Variants in SNX7 observed in about 807,000 individuals in gnomAD.
The protein encoded by SNX7 is sorting nexin-7.
In SNX7, 35 loss-of-function variants were observed where a neutral mutation model predicts 48.4. The ratio of observed to expected loss-of-function variants is 0.72; its 90% CI spans 0.55 to 0.96. The LOEUF (loss-of-function observed/expected upper bound fraction) is 0.96. Among genes scored for constraint, SNX7 ranks in the 40% least tolerant of loss-of-function variants. SNX7 has a pLI of 0.00. For synonymous variants in SNX7, 190 were observed against 190.2 expected, an observed-to-expected ratio of 1.00 and a Z score of 0.01; for missense variants, 553 against 548.9, an observed-to-expected ratio of 1.01 and a Z score of -0.07.
chr1:98,735,033 C>T (rs2101029845), intron 7 of SNX7, among the ~76,000 whole-genome samples: 1 of 152,250 alleles, frequency 6.6e-6, no homozygotes, highest in South Asian at 2.1e-4. Flanking sequence ...AACCCGACAT[C>T]TGGTGTTGGA....
chr1:98,726,217 C>T (rs947004781), intron 7 of SNX7, among the ~76,000 whole-genome samples: 2 of 152,162 alleles, frequency 1.3e-5, no homozygotes, highest in Non-Finnish European at 1.5e-5. Flanking sequence ...CTTTAGATCA[C>T]TGACTGATAA....
At chr1:98,664,163 A>G (rs2100896959) in intron 1 of SNX7, among the ~76,000 whole-genome samples, 1 of 152,346 alleles carries the variant, frequency 6.6e-6, no homozygotes, top group East Asian at 1.9e-4. Context: ...TGAGATTGGC[A>G]AACTACATAT....
chr1:98,702,723 G>T (rs995371137), intron 7 of SNX7, among the ~76,000 whole-genome samples: 2 of 152,080 alleles, frequency 1.3e-5, no homozygotes, highest in African/African-American at 4.8e-5. Flanking sequence ...GACGTCTCTT[G>T]CCTGCCTCAG....
At chr1:98,723,286 G>T (rs994393933) in intron 7 of SNX7, among the ~76,000 whole-genome samples, 8 of 152,030 alleles carry the variant, frequency 5.3e-5, no homozygotes, top group Admixed American at 3.3e-4. Context: ...TAAAATAGAT[G>T]ATTTGTTTTA....
At chr1:98,676,770 A>T (rs942264356) in intron 1 of SNX7, among the ~76,000 whole-genome samples, 2 of 152,234 alleles carry the variant, frequency 1.3e-5, no homozygotes, top group African/African-American at 2.4e-5. Flanking sequence ...ATTACATTGT[A>T]CTATATTAAT....
In SNX7 at chr1:98,715,597, C is replaced by G. The variant is rs546973410; in HGVS notation, c.1125+13694C>G. On this transcript the variant is annotated intron_variant, in intron 7 of 8. Coordinates refer to ENST00000306121, the MANE Select transcript of SNX7 (RefSeq NM_015976.5). ...TAAGACATGGGTTTTATTATCATTA[C>G]TTGTTTTGATGCACGAGTTACCCAA... 7.9e-5 allele frequency among the ~76,000 whole-genome samples: 12 copies of G among 152,292 alleles called. No individual in the cohort carries two copies. In the South Asian group the frequency reaches 2.5e-3, roughly 32 times the overall value.
rs769663830 is a variant in SNX7, at chr1:98,691,496, A to G, written c.475-39A>G. On this transcript the variant is annotated intron_variant, in intron 3 of 8. Transcript: ENST00000306121. ...TAGAATTGCTTATAAACCTATGGCT[A>G]ATAATACTTGAATACCTTTTTAATT... The G allele has an allele frequency of 2.0e-6, 3 of 1,499,406 alleles. No homozygotes were observed. The Admixed American group carries it at 6.7e-5, about 33-fold the overall frequency. The allele number at this position is 1,499,406 out of a possible 1,614,324, so 92.9% of individuals were successfully genotyped here.
intron 8 of SNX7, among the ~76,000 whole-genome samples, chr1:98,747,912 A>C (rs1156336432): frequency 6.6e-6 from 1 of 151,246 alleles, no homozygotes; most frequent in African/African-American, 2.4e-5. Context: ...TCATGTTTCC[A>C]TCTAGTTTTG....
intron 7 of SNX7, among the ~76,000 whole-genome samples, chr1:98,736,904 G>A (rs1194920245): frequency 1.3e-5 from 2 of 152,080 alleles, no homozygotes; most frequent in Non-Finnish European, 2.9e-5. Flanking sequence ...TCATGAAATG[G>A]TAGTAACATA....
At chr1:98,724,691 T>G (rs1237496914) in intron 7 of SNX7, among the ~76,000 whole-genome samples, 1 of 152,050 alleles carries the variant, frequency 6.6e-6, no homozygotes, top group Non-Finnish European at 1.5e-5. Context: ...AATTAAATAG[T>G]CAACATGGGT....
chr1:98,708,115 A>G (rs1052458469), intron 7 of SNX7, among the ~76,000 whole-genome samples: 1 of 152,126 alleles, frequency 6.6e-6, no homozygotes, highest in Non-Finnish European at 1.5e-5. Flanking sequence ...TTTACAAATT[A>G]TTCCTTTCTA....
intron 8 of SNX7, among the ~76,000 whole-genome samples, chr1:98,740,867 G>A (rs977187992): frequency 2.0e-5 from 3 of 152,038 alleles, no homozygotes; most frequent in African/African-American, 7.2e-5. Flanking sequence ...AGGGATCATT[G>A]TTTCTCTTTT....
At chr1:98,671,980 C>A (rs1649894025) in intron 1 of SNX7, among the ~76,000 whole-genome samples, 1 of 151,938 alleles carries the variant, frequency 6.6e-6, no homozygotes, top group African/African-American at 2.4e-5. Flanking sequence ...TTATGTGTAA[C>A]CAGAAACAAA....
intron 7 of SNX7, among the ~76,000 whole-genome samples, chr1:98,734,932 A>G (rs1653698725): frequency 6.6e-6 from 1 of 152,180 alleles, no homozygotes; most frequent in African/African-American, 2.4e-5. Context: ...GAAAAGAAGA[A>G]TAATACCAAG....
intron 7 of SNX7, among the ~76,000 whole-genome samples, chr1:98,733,625 A>C (rs937964047): frequency 6.6e-6 from 1 of 152,096 alleles, no homozygotes; most frequent in African/African-American, 2.4e-5. Context: ...GCTTTGCATG[A>C]ATGCCTTTCA....
In SNX7 at chr1:98,691,089, A is replaced by G. The variant is rs370815896; in HGVS notation, c.378A>G (p.Glu126=). 4 of 1,606,308 alleles carry G rather than the reference A, an allele frequency of 2.5e-6. No individual in the cohort carries two copies. Among genetic ancestry groups the G allele is most frequent in the South Asian group, 2.2e-5 (2 of 90,200 alleles). The change falls in exon 3 of 9, where the codon GAA becomes GAG. Residue 126 remains glutamate (E), a synonymous_variant. Transcript: ENST00000306121. ...YRIITKTSRG[E]FDSSEFEVRR... is the part of the protein sequence containing the mutation. ...ACTTTCTTCAGACATCTCGTGGGGA[A>G]TTTGACTCCAGTGAATTTGAAGTTA...
chr1:98,727,632 G>A (rs1653257041), intron 7 of SNX7, among the ~76,000 whole-genome samples: 1 of 152,004 alleles, frequency 6.6e-6, no homozygotes, highest in Admixed American at 6.6e-5. Context: ...GAACCATGAT[G>A]AAACATTACA....
intron 1 of SNX7, 60 bp from the exon 2 acceptor site, chr1:98,684,825 T>C (rs1054945201): frequency 3.3e-6 from 4 of 1,203,554 alleles, no homozygotes; most frequent in Non-Finnish European, 3.3e-6. Flanking sequence ...TGATAGCATC[T>C]AGAAATAGAA....
chr1:98,757,168 G>T (rs1235260627), intron 8 of SNX7, among the ~76,000 whole-genome samples: 1 of 152,126 alleles, frequency 6.6e-6, no homozygotes, highest in Non-Finnish European at 1.5e-5. Flanking sequence ...TATACAGCCT[G>T]CAGAACTGTG....
Sources: allele counts gnomAD v4.1 joint callset (sites outside exome capture counted in the v4.1 genomes callset), GRCh38; gene constraint gnomAD v4.1.1; transcripts MANE v1.5; gene names NCBI Gene and HGNC (gene_info 2026-07-23, HGNC 2026-07-21).